The following AFMID variants were observed in gnomAD, a reference collection of about 807,000 sequenced individuals.
AFMID encodes kynurenine formamidase.
Under a neutral mutation model 47.5 loss-of-function variants are expected in AFMID, and 39 were observed. That is an observed-to-expected ratio of 0.82 (90% CI 0.64 to 1.07). The LOEUF (loss-of-function observed/expected upper bound fraction) is 1.07. Ranked by LOEUF, AFMID falls within the 50% of genes least tolerant of loss-of-function variation. The pLI is 0.00. For missense variants in AFMID, 375 were observed against 387.5 expected (o/e 0.97, Z 0.27); for synonymous variants, 130 against 153.2 (o/e 0.85, Z 1.12).
In AFMID at chr17:78,207,023, T is replaced by C; in HGVS notation, c.*86T>C. ...GCTTTCGGAGCTGACACTGACAGCT[T>C]CAGTTTCCCCCAGCACCCAGGAGAG... On this transcript the variant is annotated 3_prime_UTR_variant, in exon 11 of 11. Transcript: ENST00000409257. The C allele has an allele frequency of 2.9e-6, 4 of 1,394,442 alleles. No homozygotes were observed. The highest frequency in any genetic ancestry group is 1.2e-5 in the South Asian group (1 of 86,598). 86.4% of individuals were successfully genotyped at this position (1,394,442 alleles called of 1,614,324 possible). A position where few individuals can be genotyped will look rare whatever the true frequency, so the allele number is the denominator to read the frequency against.
intron 2 of AFMID, among the ~76,000 whole-genome samples, chr17:78,200,570 C>T (rs2076220525): frequency 6.6e-6 from 1 of 151,692 alleles, no homozygotes; most frequent in Admixed American, 6.6e-5. Flanking sequence ...GAGGGAGGGA[C>T]ACACAGGGAG....
At chr17:78,189,595 T>C (rs916506354) in intron 1 of AFMID, among the ~76,000 whole-genome samples, 4 of 151,160 alleles carry the variant, frequency 2.6e-5, no homozygotes, top group Non-Finnish European at 5.9e-5. Context: ...CTTGGCTCAC[T>C]ACAATCTCTG....
chr17:78,190,924 T>A (rs1307366304), intron 1 of AFMID, 46 bp from the exon 2 acceptor site: 14 of 1,574,522 alleles, frequency 8.9e-6, no homozygotes, highest in Non-Finnish European at 1.2e-5. Flanking sequence ...GGGCACACTC[T>A]GTTGAGAAGG....
intron 3 of AFMID, 43 bp from the exon 4 acceptor site, chr17:78,202,660 G>A (rs776125413): frequency 1.3e-6 from 2 of 1,575,222 alleles, no homozygotes; most frequent in Admixed American, 3.8e-5. Context: ...GCAGAGCTCA[G>A]CAGGGCGGGC....
chr17:78,196,589 G>A (rs1204433736), intron 2 of AFMID, among the ~76,000 whole-genome samples: 3 of 152,020 alleles, frequency 2.0e-5, no homozygotes, highest in Non-Finnish European at 4.4e-5. Flanking sequence ...TGAAGTGGGA[G>A]AATAGCTTGA....
chr17:78,204,582 T>C, intron 4 of AFMID, 74 bp from the exon 5 acceptor site: 1 of 1,431,196 alleles, frequency 7.0e-7, no homozygotes, highest in Non-Finnish European at 9.8e-7. Flanking sequence ...ATCTGGCAAG[T>C]GGTGTGTCCA....
chr17:78,206,968 G>C lies in AFMID; in HGVS notation c.*31G>C, dbSNP rs765160789. On this transcript the variant is annotated 3_prime_UTR_variant, in exon 11 of 11. Transcript: ENST00000409257. The stretch of plus-strand genomic sequence containing the variant: ...ACGATACTTGGAGCCTGGTCCACGT[G>C]CATCCCACCTTGGGAAGCCTCTCCA... The C allele has an allele frequency of 6.2e-7, 1 of 1,612,264 alleles. No individual in the cohort carries two copies. The highest frequency in any genetic ancestry group is 1.1e-5 in the South Asian group (1 of 91,030).
Position 78,191,021 on chromosome 17 carries a change from G to A in AFMID, c.115G>A (p.Glu39Lys). 5.6e-6 allele frequency: 9 copies of A among 1,614,162 alleles called. No individual in the cohort carries two copies. Among genetic ancestry groups the A allele is most frequent in the Non-Finnish European group, 7.6e-6 (9 of 1,180,018 alleles). The change falls in exon 2 of 11, where the codon GAG becomes AAG. Residue 39 changes from glutamate (E) to lysine (K), a missense_variant. Transcript: ENST00000409257. ...PSRWVVRLGAEEALRTYSQIG... is the reference protein window; with the variant it reads ...PSRWVVRLGAKEALRTYSQIG... ...CCGATGGGTTGTCCGACTGGGAGCAGAGGAAGCCTTGAGGACCTACTCACA... is the reference window on the plus strand; with the variant it reads ...CCGATGGGTTGTCCGACTGGGAGCAAAGGAAGCCTTGAGGACCTACTCACA...
chr17:78,204,951 G>T (rs374142472), intron 6 of AFMID, 51 bp downstream of exon 6: 1 of 1,609,144 alleles, frequency 6.2e-7, no homozygotes, highest in African/African-American at 1.3e-5. Flanking sequence ...TGGGTGGGAG[G>T]ACAGTGCAAT....
chr17:78,196,135 G>C (rs1184621486), intron 2 of AFMID, among the ~76,000 whole-genome samples: 1 of 152,148 alleles, frequency 6.6e-6, no homozygotes, highest in Non-Finnish European at 1.5e-5. Context: ...AGGCCAAGGC[G>C]GTGGGAATCA....
rs187902346 is a variant in AFMID, at chr17:78,201,533, T to G, written c.155-966T>G. 4.7e-3 allele frequency among the ~76,000 whole-genome samples: 710 copies of G among 152,096 alleles called. 3 individuals are homozygous for G. Among genetic ancestry groups the G allele is most frequent in the African/African-American group, 0.016 (652 of 41,498 alleles). ...ACTCAGGAGGCTGAGGCTGGAGGAT[T>G]GCTTGGCGCCGGGAGTTTGAGACTG... On this transcript the variant is annotated intron_variant, in intron 2 of 10. Coordinates refer to ENST00000409257, the MANE Select transcript of AFMID (RefSeq NM_001010982.5).
At chr17:78,206,132 T>A in intron 10 of AFMID, 82 bp downstream of exon 10, 1 of 1,219,426 alleles carries the variant, frequency 8.2e-7, no homozygotes, top group Non-Finnish European at 1.2e-6. Flanking sequence ...AACCAGGAGT[T>A]CAAGACCAGC....
At position 78,187,902 on chromosome 17, in the gene AFMID, A is replaced by T. The variant is rs187500977; in HGVS notation, c.63+469A>T. 7.4e-4 allele frequency among the ~76,000 whole-genome samples: 105 copies of T among 142,740 alleles called. 1 individual carries two copies. The highest frequency in any genetic ancestry group is 3.4e-3 in the Middle Eastern group (1 of 290). The allele number at this position is 142,740 out of a possible 152,430, so 93.6% of individuals were successfully genotyped here. On this transcript the variant is annotated intron_variant, in intron 1 of 10. Transcript: ENST00000409257. ...AGGAGGTGGAGGTTGCAGTGAGCCG[A>T]GATCATGCCATTTGTACTCCAGCCT...
chr17:78,203,388 G>C (rs1047089597), intron 4 of AFMID: 1 of 142,538 alleles, frequency 7.0e-6, no homozygotes, highest in African/African-American at 2.6e-5. Flanking sequence ...TTTTTATAAG[G>C]TCATAGTCAC....
In AFMID at chr17:78,190,988, T is replaced by C. The variant is rs769818440; in HGVS notation, c.82T>C (p.Cys28Arg). 1.2e-6 allele frequency: 2 copies of C among 1,613,784 alleles called. No individual in the cohort carries two copies. The highest frequency in any genetic ancestry group is 1.3e-5 in the African/African-American group (1 of 74,910). ...MSAEELENQY[C>R]PSRWVVRLGA... ...CCTGCAGGAGCTGGAGAATCAGTAC[T>C]GTCCCAGCCGATGGGTTGTCCGACT... is the stretch of plus-strand genomic sequence containing the variant. Residue 28 changes from cysteine to arginine, a missense_variant, in exon 2 of 11, where the codon TGT (cysteine) becomes CGT (arginine). Transcript: ENST00000409257.
chr17:78,188,799 G>A (rs1202391390), intron 1 of AFMID, among the ~76,000 whole-genome samples: 1 of 152,044 alleles, frequency 6.6e-6, no homozygotes, highest in Non-Finnish European at 1.5e-5. Context: ...GGGTTTCACT[G>A]TGTTAGCCAG....
intron 2 of AFMID, 71 bp from the exon 3 acceptor site, chr17:78,202,428 C>G: frequency 6.7e-7 from 1 of 1,491,076 alleles, no homozygotes; most frequent in Admixed American, 1.8e-5. Context: ...GACTTCGTCT[C>G]AAAAAAAAGA....
chr17:78,190,915 G>C (rs2075949351), intron 1 of AFMID, 55 bp from the exon 2 acceptor site: 4 of 1,534,516 alleles, frequency 2.6e-6, no homozygotes, highest in Admixed American at 3.6e-5. Context: ...GAGGGGGAGG[G>C]GCACACTCTG....
Position 78,197,114 on chromosome 17 carries a change from C to T in AFMID, c.155-5385C>T, listed in dbSNP as rs200556819. ...TAAATTCCATGATGTTTTTCTTAAT[C>T]GTAGCACAACTTTAATCTAGTCCAT... On this transcript the variant is annotated intron_variant, in intron 2 of 10. Transcript: ENST00000409257. 1,231 of 1,528,266 alleles carry T rather than the reference C, an allele frequency of 8.1e-4. 2 individuals carry two copies. Among genetic ancestry groups the T allele is most frequent in the Non-Finnish European group, 1.0e-3 (1,163 of 1,126,840 alleles). The allele number at this position is 1,528,266 out of a possible 1,614,324, so 94.7% of individuals were successfully genotyped here.
Sources: allele counts gnomAD v4.1 joint callset (sites outside exome capture counted in the v4.1 genomes callset), GRCh38; gene constraint gnomAD v4.1.1; transcripts MANE v1.5; gene names NCBI Gene and HGNC (gene_info 2026-07-23, HGNC 2026-07-21).